Variants in HRH1 observed in about 807,000 individuals in gnomAD.
The protein encoded by HRH1 is histamine H1 receptor.
Under a neutral mutation model 10.3 loss-of-function variants are expected in HRH1, and 6 were observed. That is an observed-to-expected ratio of 0.58 (90% CI 0.32 to 1.15). HRH1 has a LOEUF of 1.15. HRH1 is among the 50% of genes most tolerant of loss of function. The pLI is 0.05. For synonymous variants in HRH1, 242 were observed against 236.7 expected, an observed-to-expected ratio of 1.02 and a Z score of -0.21; for missense variants, 514 against 615.3, an observed-to-expected ratio of 0.84 and a Z score of 1.74.
intron 1 of HRH1, among the ~76,000 whole-genome samples, chr3:11,188,878 A>C (rs1461627804): frequency 6.6e-6 from 1 of 152,194 alleles, no homozygotes; most frequent in South Asian, 2.1e-4. Context: ...CCACAGAAAA[A>C]AGTAGGTGTC....
At chr3:11,184,223 C>T (rs1366113945) in intron 1 of HRH1, among the ~76,000 whole-genome samples, 1 of 152,154 alleles carries the variant, frequency 6.6e-6, no homozygotes, top group East Asian at 1.9e-4. Flanking sequence ...ATCTGACAGG[C>T]ACGATTCTAA....
At chr3:11,193,093 A>G (rs978244486) in intron 1 of HRH1, among the ~76,000 whole-genome samples, 2 of 152,198 alleles carry the variant, frequency 1.3e-5, no homozygotes, top group East Asian at 1.9e-4. Flanking sequence ...CTAACTCATC[A>G]TATATTATAA....
intron 1 of HRH1, among the ~76,000 whole-genome samples, chr3:11,220,500 G>A (rs1480606981): frequency 2.0e-5 from 3 of 152,228 alleles, no homozygotes; most frequent in Non-Finnish European, 4.4e-5. Flanking sequence ...AGCCACTCCA[G>A]CAGGCAACTA....
chr3:11,170,224 C>G (rs1480942738), intron 1 of HRH1, among the ~76,000 whole-genome samples: 1 of 152,224 alleles, frequency 6.6e-6, no homozygotes, highest in Non-Finnish European at 1.5e-5. Flanking sequence ...CTCCTGCAAA[C>G]TGCATTATCA....
intron 1 of HRH1, among the ~76,000 whole-genome samples, chr3:11,258,443 C>T (rs1404587172): frequency 6.6e-6 from 1 of 152,182 alleles, no homozygotes; most frequent in African/African-American, 2.4e-5. Flanking sequence ...TTCCTCACAT[C>T]CTGTCAGGGA....
At chr3:11,153,242 T>A (rs1008857149), upstream of HRH1, among the ~76,000 whole-genome samples, 1 of 152,172 alleles carries the variant, frequency 6.6e-6, no homozygotes, top group African/African-American at 2.4e-5. Flanking sequence ...AGTTCCTACC[T>A]ACTAGGACCT....
intron 1 of HRH1, among the ~76,000 whole-genome samples, chr3:11,207,343 T>C (rs2125031722): frequency 6.6e-6 from 1 of 151,658 alleles, no homozygotes; most frequent in South Asian, 2.1e-4. Flanking sequence ...GGCGGGTGGA[T>C]CACGAGGTCA....
At chr3:11,181,812 T>A (rs906931002) in intron 1 of HRH1, among the ~76,000 whole-genome samples, 2 of 152,000 alleles carry the variant, frequency 1.3e-5, no homozygotes, top group African/African-American at 4.8e-5. Flanking sequence ...TTTGTATTTT[T>A]AGTAGAGACA....
At chr3:11,206,091 A>G (rs1938114412) in intron 1 of HRH1, among the ~76,000 whole-genome samples, 1 of 152,008 alleles carries the variant, frequency 6.6e-6, no homozygotes, top group Non-Finnish European at 1.5e-5. Context: ...ATGGATTGCC[A>G]CCTGGTGGTT....
chr3:11,172,892 C>T lies in HRH1; in HGVS notation c.-36+18338C>T, dbSNP rs183855315. ...AATTTTTTTGTATTTTTAGTAGAGA[C>T]GGGGTTTCACCATGTTAGCCAGGAT... On this transcript the variant is annotated intron_variant, in intron 1 of 1. Coordinates refer to ENST00000431010, the MANE Select transcript of HRH1 (RefSeq NM_001098212.2). Among the ~76,000 whole-genome samples the T allele has an allele frequency of 3.6e-3, 543 of 152,028 alleles. 3 individuals are homozygous for T. The highest frequency in any genetic ancestry group is 0.012 in the African/African-American group (506 of 41,460).
Position 11,260,867 on chromosome 3 carries a change from T to G in HRH1, c.*366T>G. 4.8e-6 allele frequency: 1 copy of G among 207,820 alleles called. No homozygotes were observed. Among genetic ancestry groups the G allele is most frequent in the Non-Finnish European group, 1.1e-5 (1 of 93,452 alleles). The allele number at this position is 207,820 out of a possible 1,614,324, so 12.9% of individuals were successfully genotyped here. A position where few individuals can be genotyped will look rare whatever the true frequency, so the allele number is the denominator to read the frequency against. ...CTCAGACTCATTGTAATTCAAGCTT[T>G]CCGAGTCAAGTGATTGACAACTGAA... On this transcript the variant is annotated 3_prime_UTR_variant, in exon 2 of 2. Transcript: ENST00000431010.
At chr3:11,180,397 G>A (rs1210852904) in intron 1 of HRH1, among the ~76,000 whole-genome samples, 1 of 152,154 alleles carries the variant, frequency 6.6e-6, no homozygotes, top group Non-Finnish European at 1.5e-5. Flanking sequence ...TTCTCGTAAG[G>A]AGCGTGCAAC....
intron 1 of HRH1, among the ~76,000 whole-genome samples, chr3:11,220,476 A>G (rs1490075469): frequency 6.6e-6 from 1 of 152,246 alleles, no homozygotes; most frequent in Admixed American, 6.5e-5. Context: ...CCTACAACCC[A>G]GTGCAGAGCC....
intron 1 of HRH1, among the ~76,000 whole-genome samples, chr3:11,181,531 T>C (rs2125017155): frequency 6.6e-6 from 1 of 152,272 alleles, no homozygotes; most frequent in African/African-American, 2.4e-5. Context: ...GTGGTTTTGA[T>C]TTGCATTGAT....
At chr3:11,177,487 G>A (rs1329816362) in intron 1 of HRH1, among the ~76,000 whole-genome samples, 3 of 152,022 alleles carry the variant, frequency 2.0e-5, no homozygotes, top group Admixed American at 1.3e-4. Flanking sequence ...CACCTCATTC[G>A]TGAATTATCC....
chr3:11,262,975 T>C lies in HRH1; in HGVS notation c.*2474T>C, dbSNP rs1021608739. 1 of 167,108 alleles carries C rather than the reference T, an allele frequency of 6.0e-6. No individual in the cohort carries two copies. Among genetic ancestry groups the C allele is most frequent in the Non-Finnish European group, 1.5e-5 (1 of 68,116 alleles). The allele number at this position is 167,108 out of a possible 1,614,324, so 10.4% of individuals were successfully genotyped here. A position where few individuals can be genotyped will look rare whatever the true frequency, so the allele number is the denominator to read the frequency against. ...TAATGGTATTGGTGCCATTATGTAATGTTGCCTTTACAACAACCTCATGAG... is the reference window on the plus strand; with the variant it reads ...TAATGGTATTGGTGCCATTATGTAACGTTGCCTTTACAACAACCTCATGAG... On this transcript the variant is annotated 3_prime_UTR_variant, in exon 2 of 2. Transcript: ENST00000431010.
At chr3:11,170,379 C>T (rs1360597238) in intron 1 of HRH1, among the ~76,000 whole-genome samples, 6 of 152,234 alleles carry the variant, frequency 3.9e-5, no homozygotes, top group South Asian at 2.1e-4. Flanking sequence ...GAGGAGATGT[C>T]GCCAGCTTTG....
At position 11,260,532 on chromosome 3, in the gene HRH1, T is replaced by C; in HGVS notation, c.*31T>C. 6.5e-7 allele frequency: 1 copy of C among 1,535,272 alleles called. No individual in the cohort carries two copies. The highest frequency in any genetic ancestry group is 1.3e-5 in the South Asian group (1 of 77,742). On this transcript the variant is annotated 3_prime_UTR_variant, in exon 2 of 2. Transcript: ENST00000431010. ...GCTCTGAGGGGATGCAACAAAATGA[T>C]CCTTATGATGTCCAACAAGGAAATA...
At chr3:11,222,644 C>T (rs561976167) in intron 1 of HRH1, among the ~76,000 whole-genome samples, 3 of 152,122 alleles carry the variant, frequency 2.0e-5, no homozygotes, top group East Asian at 1.9e-4. Flanking sequence ...GAAAGTACAG[C>T]GGCCGAGTGT....
Sources: gnomAD v4.1 joint callset for allele counts (sites outside exome capture counted in the v4.1 genomes callset) on GRCh38, gnomAD v4.1.1 for gene constraint, MANE v1.5 for transcripts, NCBI Gene and HGNC (gene_info 2026-07-23, HGNC 2026-07-21) for gene names.